The following SLC45A4 variants were observed in gnomAD, a reference collection of about 807,000 sequenced individuals.
SLC45A4 encodes the protein polyamine-transporter SLC45A4.
In SLC45A4, 32 loss-of-function variants were observed where a neutral mutation model predicts 63.7. That is an observed-to-expected ratio of 0.50 (90% CI 0.38 to 0.67). SLC45A4 has a LOEUF of 0.67. Among genes scored for constraint, SLC45A4 ranks in the 30% least tolerant of loss-of-function variants. SLC45A4 has a pLI of 0.00. For missense variants in SLC45A4, 1,027 were observed against 1,157.7 expected, an observed-to-expected ratio of 0.89 and a Z score of 1.64; for synonymous variants, 535 against 510.0, an observed-to-expected ratio of 1.05 and a Z score of -0.66.
Position 141,306,933 on chromosome 8 carries a change from A to G in SLC45A4, c.-401+1163T>C, listed in dbSNP as rs111357446. Among the ~76,000 whole-genome samples, 985 of 152,248 alleles carry G rather than the reference A, an allele frequency of 6.5e-3. 11 individuals carry two copies. Among genetic ancestry groups the G allele is most frequent in the African/African-American group, 0.023 (937 of 41,562 alleles). On this transcript the variant is annotated intron_variant, in intron 1 of 8. Coordinates refer to ENST00000517878, the MANE Select transcript of SLC45A4 (RefSeq NM_001286646.2). ...TAGACTGGAAAAGACAGCCCCCAAAACAGTAATAAAAACGACAAGCCCTGT... is the reference window on the plus strand; with the variant it reads ...TAGACTGGAAAAGACAGCCCCCAAAGCAGTAATAAAAACGACAAGCCCTGT...
chr8:141,238,690 C>T (rs1294536377), intron 2 of SLC45A4, among the ~76,000 whole-genome samples: 1 of 152,224 alleles, frequency 6.6e-6, no homozygotes, highest in East Asian at 1.9e-4. Flanking sequence ...ACCACCCATT[C>T]CCCACAGAGA....
intron 7 of SLC45A4, among the ~76,000 whole-genome samples, chr8:141,213,662 C>G (rs137876034): frequency 6.6e-6 from 1 of 152,178 alleles, no homozygotes; most frequent in East Asian, 1.9e-4. Context: ...CAAGACATAA[C>G]GGAAGGCAGG....
chr8:141,301,905 C>CGAGCCCT, intron 1 of SLC45A4, among the ~76,000 whole-genome samples: 1 of 150,930 alleles, frequency 6.6e-6, no homozygotes, highest in South Asian at 2.1e-4. Context: ...AAGGCTGTAG[C>CGAGCCCT]GAGCCCTGAT....
At position 141,300,204 on chromosome 8, in the gene SLC45A4, T is replaced by C. The variant is rs368639743; in HGVS notation, c.-401+7892A>G. 5.9e-5 allele frequency among the ~76,000 whole-genome samples: 9 copies of C among 152,170 alleles called. No homozygotes were observed. In the East Asian group the frequency reaches 1.7e-3, roughly 29 times the overall value. On this transcript the variant is annotated intron_variant, in intron 1 of 8. Coordinates refer to ENST00000517878, the MANE Select transcript of SLC45A4 (RefSeq NM_001286646.2). ...GACCCACATTACCGATTCCACAGAG[T>C]TGGGCGAGTAGCCTGCTTTCCTCCA...
chr8:141,276,741 C>A (rs994142984), intron 1 of SLC45A4, among the ~76,000 whole-genome samples: 3 of 152,210 alleles, frequency 2.0e-5, no homozygotes, highest in African/African-American at 7.2e-5. Flanking sequence ...TCTTTCCAGG[C>A]TGAAAGAGAC....
chr8:141,263,533 C>T (rs922486504), intron 1 of SLC45A4, among the ~76,000 whole-genome samples: 18 of 151,430 alleles, frequency 1.2e-4, no homozygotes, highest in Non-Finnish European at 1.9e-4. Context: ...TTTGGGAGGC[C>T]GAGGCGGGTA....
At chr8:141,228,499 G>A (rs1827164674) in intron 2 of SLC45A4, 1 of 1,334,848 alleles carries the variant, frequency 7.5e-7, no homozygotes, top group Non-Finnish European at 9.6e-7. Context: ...TCACTGGCAG[G>A]CACCTGTCTT....
At position 141,227,242 on chromosome 8, in the gene SLC45A4, C is replaced by T. The variant is rs757597409; in HGVS notation, c.242-5477G>A. Among the ~76,000 whole-genome samples, 6 of 152,206 alleles carry T rather than the reference C, an allele frequency of 3.9e-5. No individual in the cohort carries two copies. The highest frequency in any genetic ancestry group is 2.0e-4 in the Admixed American group (3 of 15,290). On this transcript the variant is annotated intron_variant, in intron 2 of 8. Coordinates refer to ENST00000517878, the MANE Select transcript of SLC45A4 (RefSeq NM_001286646.2). This position sits in a 1 kb window ranked among gnomAD's most constrained non-coding sequence, Gnocchi z 4.4. ...GCAGGCTGTGTGAGGTCACGGGCGACGCTCGGGTCACGTGTGGCGGCTCCT... is the reference window on the plus strand; with the variant it reads ...GCAGGCTGTGTGAGGTCACGGGCGATGCTCGGGTCACGTGTGGCGGCTCCT...
chr8:141,250,165 T>C (rs985916237), intron 2 of SLC45A4, among the ~76,000 whole-genome samples: 7 of 152,168 alleles, frequency 4.6e-5, no homozygotes, highest in African/African-American at 1.7e-4. Flanking sequence ...TATTGTGTAG[T>C]AAAGTACATA....
At chr8:141,237,922 C>T (rs7014142) in intron 2 of SLC45A4, among the ~76,000 whole-genome samples, 26,013 of 152,200 alleles carry the variant, frequency 0.17, 2,338 homozygotes, top group South Asian at 0.23. Context: ...GAAAAATTAC[C>T]ATAGTTGACA....
rs1381952696 is a variant in SLC45A4 at position 141,218,345 on chromosome 8, T to G, written c.1295A>C (p.Lys432Thr). ...GTAGCGGTAGCAGTGGGACCCAAGCTTGCCGTAGTAGGAGAAGGTGCTGGA... is the reference window on the plus strand; with the variant it reads ...GTAGCGGTAGCAGTGGGACCCAAGCGTGCCGTAGTAGGAGAAGGTGCTGGA... Reference protein sequence around the residue: ...QASSTFSYYGKLGSHCYRYRR... With the variant: ...QASSTFSYYGTLGSHCYRYRR... Residue 432 changes from lysine (K) to threonine (T), a missense_variant, in exon 5 of 9, where the codon AAG becomes ACG. Transcript: ENST00000517878. The G allele has an allele frequency of 6.2e-7, 1 of 1,608,004 alleles. No individual in the cohort carries two copies. The highest frequency in any genetic ancestry group is 1.3e-5 in the African/African-American group (1 of 74,908).
intron 6 of SLC45A4, among the ~76,000 whole-genome samples, chr8:141,216,523 C>A (rs1168335201): frequency 6.6e-6 from 1 of 152,230 alleles, no homozygotes; most frequent in Non-Finnish European, 1.5e-5. Context: ...CTGCTGCTGA[C>A]CAAGAGGCAT....
chr8:141,228,745 C>A (rs1015866959), intron 2 of SLC45A4, among the ~76,000 whole-genome samples: 2 of 152,202 alleles, frequency 1.3e-5, no homozygotes, highest in African/African-American at 4.8e-5. Flanking sequence ...GTCCTGCAGC[C>A]CTGGCTAAGC....
Position 141,254,497 on chromosome 8 carries a change from T to C in SLC45A4, c.-268A>G, listed in dbSNP as rs901420241. On this transcript the variant is annotated 5_prime_UTR_variant, in exon 2 of 9. Transcript: ENST00000517878. The surrounding 1 kb of genome is among the most constrained non-coding windows in gnomAD (Gnocchi z 4.5). ...GTGAATTAGAGTTAAAAATCCATAA[T>C]TGCCATTCAGTTAATACCAGTTTCA... 5.2e-5 allele frequency: 36 copies of C among 686,442 alleles called. No individual in the cohort carries two copies. Among genetic ancestry groups the C allele is most frequent in the Admixed American group, 1.0e-4 (5 of 48,204 alleles). 42.5% of individuals were successfully genotyped at this position (686,442 alleles called of 1,614,324 possible).
chr8:141,297,792 C>T (rs1189742648), intron 1 of SLC45A4, among the ~76,000 whole-genome samples: 1 of 152,174 alleles, frequency 6.6e-6, no homozygotes, highest in African/African-American at 2.4e-5. Flanking sequence ...CTGGCTAGTT[C>T]ACTTGTTGAA....
At position 141,254,216 on chromosome 8, in the gene SLC45A4, G is replaced by A; in HGVS notation, c.14C>T (p.Pro5Leu). 2 of 1,532,560 alleles carry A rather than the reference G, an allele frequency of 1.3e-6. No homozygotes were observed. Among genetic ancestry groups the A allele is most frequent in the Non-Finnish European group, 1.7e-6 (2 of 1,144,340 alleles). The allele number at this position is 1,532,560 out of a possible 1,614,324, so 94.9% of individuals were successfully genotyped here. MKMAPQNADPESMQV... is the reference protein window; with the variant it reads MKMALQNADPESMQV... ...CATAGATTCCGGGTCGGCATTCTGC[G>A]GAGCCATTTTCATTACCACCAAAAA... is the stretch of plus-strand genomic sequence containing the variant. Residue 5 changes from proline (P) to leucine (L), a missense_variant, in exon 2 of 9, where the codon CCG (proline) becomes CTG (leucine). Coordinates refer to ENST00000517878, the MANE Select transcript of SLC45A4 (RefSeq NM_001286646.2). The surrounding 1 kb of genome is among the most constrained non-coding windows in gnomAD (Gnocchi z 4.5).
At chr8:141,249,995 C>T (rs1828391507) in intron 2 of SLC45A4, among the ~76,000 whole-genome samples, 1 of 152,194 alleles carries the variant, frequency 6.6e-6, no homozygotes, top group South Asian at 2.1e-4. Context: ...TGCTCAGGGT[C>T]AATAAAGGTT....
chr8:141,253,420 T>A (rs1828617596), intron 2 of SLC45A4: 3 of 202,666 alleles, frequency 1.5e-5, no homozygotes, highest in Non-Finnish European at 3.0e-5. Context: ...AGCCATCTAC[T>A]GTCCACAATA....
intron 1 of SLC45A4, among the ~76,000 whole-genome samples, chr8:141,303,504 A>G (rs1292983374): frequency 5.9e-5 from 9 of 152,136 alleles, no homozygotes; most frequent in Admixed American, 5.2e-4. Flanking sequence ...ACCACACCTG[A>G]CCAGGTAAGC....
Sources: allele counts gnomAD v4.1 joint callset (sites outside exome capture counted in the v4.1 genomes callset), GRCh38; gene constraint gnomAD v4.1.1; non-coding constraint Gnocchi (gnomAD v3.1); transcripts MANE v1.5; gene names NCBI Gene and HGNC (gene_info 2026-07-23, HGNC 2026-07-21).